CAMTA1: variants seen among roughly 807,000 people sequenced by gnomAD.
The protein encoded by CAMTA1 is calmodulin binding transcription activator 1, also known as calmodulin-binding transcription activator 1.
Under a neutral mutation model 170.9 loss-of-function variants are expected in CAMTA1, and 27 were observed. The observed-to-expected ratio is 0.16, with a 90% confidence interval of 0.12 to 0.22. CAMTA1 has a LOEUF of 0.22. CAMTA1 is among the 10% of genes least tolerant of loss of function. CAMTA1 has a pLI of 1.00. For missense variants in CAMTA1, 1,619 were observed against 2,217.2 expected, an observed-to-expected ratio of 0.73 and a Z score of 5.42; for synonymous variants, 833 against 891.5, an observed-to-expected ratio of 0.93 and a Z score of 1.17.
intron 6 of CAMTA1, among the ~76,000 whole-genome samples, chr1:7,554,232 C>G (rs1301160649): frequency 6.6e-6 from 1 of 152,190 alleles, no homozygotes; most frequent in African/African-American, 2.4e-5. Context: ...CTTGCTGGCC[C>G]AGGGCTTAGG....
intron 4 of CAMTA1, among the ~76,000 whole-genome samples, chr1:7,215,022 A>C (rs1280018391): frequency 2.0e-5 from 3 of 152,044 alleles, no homozygotes; most frequent in African/African-American, 7.2e-5. Context: ...CTATTGGTTT[A>C]TGTGTCAATT....
intron 5 of CAMTA1, among the ~76,000 whole-genome samples, chr1:7,405,914 G>A (rs573779618): frequency 6.6e-6 from 1 of 152,202 alleles, no homozygotes; most frequent in Non-Finnish European, 1.5e-5. Flanking sequence ...CACCGTTCTC[G>A]AAGCAGCTGC....
intron 5 of CAMTA1, among the ~76,000 whole-genome samples, chr1:7,284,765 C>T (rs1224096043): frequency 6.6e-6 from 1 of 152,236 alleles, no homozygotes; most frequent in Non-Finnish European, 1.5e-5. Flanking sequence ...CTGCCTGGAA[C>T]ACTTTCCTCG....
At chr1:7,691,873 C>A (rs2096317284) in intron 11 of CAMTA1, among the ~76,000 whole-genome samples, 1 of 151,800 alleles carries the variant, frequency 6.6e-6, no homozygotes, top group East Asian at 1.9e-4. Flanking sequence ...CCAAGAACTT[C>A]TGTCTTAATT....
intron 4 of CAMTA1, among the ~76,000 whole-genome samples, chr1:7,215,772 A>G (rs989562885): frequency 6.6e-6 from 1 of 152,132 alleles, no homozygotes; most frequent in Non-Finnish European, 1.5e-5. Flanking sequence ...TTTTAACATT[A>G]TTTTCCAGTT....
chr1:7,428,583 C>T (rs2149349073), intron 5 of CAMTA1, among the ~76,000 whole-genome samples: 1 of 152,244 alleles, frequency 6.6e-6, no homozygotes, highest in Admixed American at 6.5e-5. Context: ...AGCACTGCCT[C>T]CCAGCAGCGT....
intron 6 of CAMTA1, among the ~76,000 whole-genome samples, chr1:7,535,389 A>AG (rs1373592098): frequency 9.9e-5 from 15 of 152,180 alleles, no homozygotes. Context: ...GCTGGTGTGC[A>AG]GGGGCAGGCT....
At position 7,642,810 on chromosome 1, in the gene CAMTA1, A is replaced by G. The variant is rs1292857128; in HGVS notation, c.664+2257A>G. Among the ~76,000 whole-genome samples the G allele has an allele frequency of 1.3e-5, 2 of 152,102 alleles. No individual in the cohort carries two copies. The highest frequency in any genetic ancestry group is 4.8e-5 in the African/African-American group (2 of 41,410). On this transcript the variant is annotated intron_variant, in intron 7 of 22. Transcript: ENST00000303635. This position sits in a 1 kb window ranked among gnomAD's most constrained non-coding sequence, Gnocchi z 6.3. ...TATAAAGGGGTAGCAAGAATCTAGC[A>G]GCCTCTGCCCTAAGACCAGCACTTC...
chr1:7,149,526 G>T (rs908301548), intron 4 of CAMTA1, among the ~76,000 whole-genome samples: 6 of 152,248 alleles, frequency 3.9e-5, no homozygotes, highest in African/African-American at 1.4e-4. Flanking sequence ...CGCGGGTCAG[G>T]TGCTTCACCT....
intron 5 of CAMTA1, among the ~76,000 whole-genome samples, chr1:7,384,098 T>G (rs1294689633): frequency 2.0e-5 from 3 of 152,096 alleles, no homozygotes; most frequent in Non-Finnish European, 2.9e-5. Flanking sequence ...AAAGAAAAGG[T>G]GGCAGGGGAA....
At chr1:7,730,928 C>CTCTCTCTCTATATA (rs1478235304) in intron 11 of CAMTA1, among the ~76,000 whole-genome samples, 6 of 114,220 alleles carry the variant, frequency 5.3e-5, no homozygotes, top group African/African-American at 1.9e-4. Context: ...CTCTCTCTCT[C>CTCTCTCTCTATATA]TATATATATA....
chr1:7,349,581 C>G (rs767302666), intron 5 of CAMTA1, among the ~76,000 whole-genome samples: 1 of 152,158 alleles, frequency 6.6e-6, no homozygotes, highest in African/African-American at 2.4e-5. Context: ...AGTCTGAGAT[C>G]GAGGTGCGGG....
At chr1:7,445,670 T>C (rs1471381443) in intron 5 of CAMTA1, among the ~76,000 whole-genome samples, 2 of 152,174 alleles carry the variant, frequency 1.3e-5, no homozygotes, top group East Asian at 1.9e-4. Context: ...AACAAAGACA[T>C]GGCTGGACGT....
chr1:7,525,774 G>A (rs950133574), intron 6 of CAMTA1, among the ~76,000 whole-genome samples: 1 of 152,132 alleles, frequency 6.6e-6, no homozygotes. Context: ...CCTGACCAGT[G>A]GGCACTCCTT....
intron 6 of CAMTA1, among the ~76,000 whole-genome samples, chr1:7,583,896 C>T (rs1479520208): frequency 2.0e-5 from 3 of 152,162 alleles, no homozygotes; most frequent in South Asian, 2.1e-4. Flanking sequence ...AGGTTGGCCA[C>T]GTGAGAGTGG....
chr1:6,822,877 C>T (rs1646674899), intron 2 of CAMTA1, among the ~76,000 whole-genome samples: 1 of 151,904 alleles, frequency 6.6e-6, no homozygotes. Context: ...CTGGGTTCCT[C>T]GAAGAGGCTA....
intron 5 of CAMTA1, among the ~76,000 whole-genome samples, chr1:7,453,185 G>A (rs77375425): frequency 0.038 from 5,730 of 152,364 alleles, 163 homozygotes; most frequent in South Asian, 0.11. Context: ...AAGCATAAAT[G>A]TGGAATCGTG....
intron 7 of CAMTA1, among the ~76,000 whole-genome samples, chr1:7,657,183 T>C (rs1241869309): frequency 6.6e-6 from 1 of 152,190 alleles, no homozygotes; most frequent in East Asian, 1.9e-4. Context: ...GTCTGGCTTA[T>C]CCCACCCCAT....
intron 4 of CAMTA1, among the ~76,000 whole-genome samples, chr1:7,159,061 T>C (rs1647054563): frequency 6.6e-6 from 1 of 151,840 alleles, no homozygotes; most frequent in Admixed American, 6.6e-5. Flanking sequence ...TGTTACGTAC[T>C]ATTTTTTTTT....
Sources: gnomAD v4.1 joint callset for allele counts (sites outside exome capture counted in the v4.1 genomes callset) on GRCh38, gnomAD v4.1.1 for gene constraint, Gnocchi (gnomAD v3.1) non-coding constraint, MANE v1.5 for transcripts, NCBI Gene and HGNC (gene_info 2026-07-23, HGNC 2026-07-21) for gene names.